The following CFHR5 variants were observed in gnomAD, a reference collection of about 807,000 sequenced individuals.
The protein encoded by CFHR5 is complement factor H-related protein 5.
Under a neutral mutation model 62.9 loss-of-function variants are expected in CFHR5, and 73 were observed. That is an observed-to-expected ratio of 1.16 (90% CI 0.96 to 1.41). CFHR5 has a LOEUF of 1.41. Among genes scored for constraint, CFHR5 ranks in the 40% most tolerant of loss-of-function variants. CFHR5 has a pLI of 0.00. For missense variants in CFHR5, 779 were observed against 679.9 expected (o/e 1.15, Z -1.62); for synonymous variants, 249 against 227.2 (o/e 1.10, Z -0.86).
At position 196,977,648 on chromosome 1, in the gene CFHR5, G is replaced by A. The variant is rs370203146; in HGVS notation, c.-17G>A. Reference sequence around the variant, plus strand: ...CACTGGAGTATTTTTAGTTATATACGATTGAGACTACCAAGCATGTTGCTC... The same window carrying A: ...CACTGGAGTATTTTTAGTTATATACAATTGAGACTACCAAGCATGTTGCTC... On this transcript the variant is annotated 5_prime_UTR_variant, in exon 1 of 10. Coordinates refer to ENST00000256785, the MANE Select transcript of CFHR5 (RefSeq NM_030787.4). 66 of 1,602,744 alleles carry A rather than the reference G, an allele frequency of 4.1e-5. No individual in the cohort carries two copies. Among genetic ancestry groups the A allele is most frequent in the Non-Finnish European group, 4.8e-5 (56 of 1,170,110 alleles).
At chr1:196,975,885 C>T (rs146602083), upstream of CFHR5, among the ~76,000 whole-genome samples, 42 of 152,010 alleles carry the variant, frequency 2.8e-4, no homozygotes, top group African/African-American at 9.7e-4. Context: ...TAGAAAGGAA[C>T]GAATGGGCAG....
intron 2 of CFHR5, among the ~76,000 whole-genome samples, chr1:196,983,286 C>T (rs1653591132): frequency 6.6e-6 from 1 of 152,070 alleles, no homozygotes; most frequent in African/African-American, 2.4e-5. Flanking sequence ...CCTGGAAATG[C>T]CCTACATGTT....
At chr1:197,003,813 A>G (rs933012390) in intron 8 of CFHR5, among the ~76,000 whole-genome samples, 1 of 152,176 alleles carries the variant, frequency 6.6e-6, no homozygotes, top group Non-Finnish European at 1.5e-5. Flanking sequence ...ATTTTACCTT[A>G]TTGAATTGTG....
intron 3 of CFHR5, among the ~76,000 whole-genome samples, chr1:196,985,809 A>G (rs1284818875): frequency 2.0e-5 from 3 of 152,166 alleles, no homozygotes; most frequent in Non-Finnish European, 4.4e-5. Flanking sequence ...CCCAGGCTTA[A>G]CTCATGTTTC....
Position 196,984,135 on chromosome 1 carries a change from C to T in CFHR5, c.428C>T (p.Thr143Ile). The stretch of plus-strand genomic sequence containing the variant: ...TCCACTCCTCCCATATGCAGCTTCA[C>T]TAGTAAGCAAAATACCACTCTCTCA... ...GWSTPPICSF[T>I]KGECHVPILE... Residue 143 changes from threonine (T) to isoleucine (I), a missense_variant and splice_region_variant, in exon 3 of 10, where the codon ACT becomes ATT. Physicochemically the swap from Thr to Ile is moderately conservative, Grantham distance 89. Coordinates refer to ENST00000256785, the MANE Select transcript of CFHR5 (RefSeq NM_030787.4). 3.7e-6 allele frequency: 6 copies of T among 1,612,442 alleles called. No individual in the cohort carries two copies. The highest frequency in any genetic ancestry group is 5.1e-6 in the Non-Finnish European group (6 of 1,178,740).
At chr1:196,994,369 C>A in intron 4 of CFHR5, 113 bp downstream of exon 4, 1 of 891,108 alleles carries the variant, frequency 1.1e-6, no homozygotes, top group Non-Finnish European at 1.8e-6. Flanking sequence ...GGTAAAATGG[C>A]AAAGGAGAAA....
intron 9 of CFHR5, among the ~76,000 whole-genome samples, chr1:197,006,140 TC>T (rs1382111671): frequency 6.6e-6 from 1 of 152,118 alleles, no homozygotes; most frequent in Non-Finnish European, 1.5e-5. Context: ...TGGCCAGTGA[TC>T]ATAAAATAAA....
rs1653618882 is a variant in CFHR5, at chr1:196,984,109, G to A, written c.402G>A (p.Trp134Ter). Residue 134 changes from tryptophan (W) to a stop codon, truncating the protein, a stop_gained, in exon 3 of 10, where the codon TGG becomes TGA. Transcript: ENST00000256785. LOFTEE classifies it high-confidence loss of function. Reference protein sequence around the residue: ...EKNISCVERGWSTPPICSFTK... With the variant: ...EKNISCVERG ...ACATTTCGTGTGTAGAACGGGGCTG[G>A]TCCACTCCTCCCATATGCAGCTTCA... 8 of 1,612,116 alleles carry A rather than the reference G, an allele frequency of 5.0e-6. No homozygotes were observed. Among genetic ancestry groups the A allele is most frequent in the Non-Finnish European group, 6.8e-6 (8 of 1,179,160 alleles).
intron 1 of CFHR5, 80 bp downstream of exon 1, chr1:196,977,802 T>G (rs1653434974): frequency 2.0e-6 from 2 of 999,132 alleles, no homozygotes; most frequent in Middle Eastern, 2.1e-4. Flanking sequence ...CATACAAATA[T>G]TTTTAAATGA....
At position 196,996,093 on chromosome 1, in the gene CFHR5, C is replaced by T. The variant is rs1445177657; in HGVS notation, c.862C>T (p.Gln288Ter). ...GYVQPSVPPYQHGVSVEVNCR... is the reference protein window; with the variant it reads ...GYVQPSVPPY ...TGTTCAGCCGTCTGTCCCTCCCTATCAACATGGAGTTTCAGTCGAGGTGAA... is the reference window on the plus strand; with the variant it reads ...TGTTCAGCCGTCTGTCCCTCCCTATTAACATGGAGTTTCAGTCGAGGTGAA... Residue 288 changes from glutamine to a stop codon, truncating the protein, a stop_gained, in exon 6 of 10, where the codon CAA becomes TAA. Coordinates refer to ENST00000256785, the MANE Select transcript of CFHR5 (RefSeq NM_030787.4). LOFTEE classifies it high-confidence loss of function. 2.5e-6 allele frequency: 4 copies of T among 1,613,484 alleles called. No homozygotes were observed. Among genetic ancestry groups the T allele is most frequent in the Non-Finnish European group, 8.5e-7 (1 of 1,179,488 alleles).
chr1:196,986,702 C>T (rs1397928202), intron 3 of CFHR5, among the ~76,000 whole-genome samples: 2 of 152,150 alleles, frequency 1.3e-5, no homozygotes, highest in African/African-American at 4.8e-5. Flanking sequence ...AAGAACTCAT[C>T]CTTTTTTATG....
chr1:197,004,399 G>C (rs1180533195), intron 8 of CFHR5, among the ~76,000 whole-genome samples: 1 of 151,996 alleles, frequency 6.6e-6, no homozygotes, highest in Non-Finnish European at 1.5e-5. Flanking sequence ...AATATTAAGG[G>C]GTGGAGGAGG....
chr1:196,996,865 G>A (rs1173263106), intron 6 of CFHR5, among the ~76,000 whole-genome samples: 1 of 151,722 alleles, frequency 6.6e-6, no homozygotes, highest in Non-Finnish European at 1.5e-5. Context: ...TAAGTAGTAA[G>A]TAGTAAGTAA....
intron 3 of CFHR5, among the ~76,000 whole-genome samples, chr1:196,991,006 C>G (rs1237804833): frequency 6.6e-6 from 1 of 151,988 alleles, no homozygotes; most frequent in African/African-American, 2.4e-5. Context: ...GTACAGCAAT[C>G]AAACGTAGAT....
chr1:196,983,874 C>A, intron 2 of CFHR5, 87 bp from the exon 3 acceptor site: 1 of 910,936 alleles, frequency 1.1e-6, no homozygotes, highest in South Asian at 1.5e-5. Flanking sequence ...TGTCAGTTTT[C>A]AAAGTTTTCC....
At chr1:196,982,472 C>T (rs1653567676) in intron 1 of CFHR5, among the ~76,000 whole-genome samples, 3 of 152,058 alleles carry the variant, frequency 2.0e-5, no homozygotes, top group African/African-American at 7.2e-5. Context: ...AGGAGTTTGA[C>T]ACCAGTCTGG....
chr1:197,006,661 G>A (rs563677506), intron 9 of CFHR5, among the ~76,000 whole-genome samples: 9 of 150,492 alleles, frequency 6.0e-5, no homozygotes, highest in South Asian at 2.1e-4. Context: ...GCAGTGAGCC[G>A]AGATTGCACC....
At chr1:196,999,722 T>TATATATATATATATACACAC (rs1164729053) in intron 7 of CFHR5, among the ~76,000 whole-genome samples, 1 of 116,194 alleles carries the variant, frequency 8.6e-6, no homozygotes, top group African/African-American at 3.5e-5. Context: ...TATATATATA[T>TATATATATATATATACACAC]ACACACACAC....
At position 196,977,696 on chromosome 1, in the gene CFHR5, C is replaced by G. The variant is rs776188297; in HGVS notation, c.32C>G (p.Ser11Ter). MLLLFSVILI[S>*]WVSTVGGEGT... The stretch of plus-strand genomic sequence containing the variant: ...CTCTTATTCAGTGTAATCCTAATCT[C>G]ATGGGTATCCACTGTTGGGGGAGAA... The change falls in exon 1 of 10, where the codon TCA (serine) becomes TGA (stop). Residue 11 changes from serine to a stop codon, truncating the protein, a stop_gained. Transcript: ENST00000256785. LOFTEE classifies it high-confidence loss of function. The G allele has an allele frequency of 1.2e-6, 2 of 1,613,056 alleles. No homozygotes were observed. Among genetic ancestry groups the G allele is most frequent in the Non-Finnish European group, 1.7e-6 (2 of 1,179,180 alleles).
Sources: gnomAD v4.1 joint callset for allele counts (sites outside exome capture counted in the v4.1 genomes callset) on GRCh38, gnomAD v4.1.1 for gene constraint, MANE v1.5 for transcripts, NCBI Gene and HGNC (gene_info 2026-07-23, HGNC 2026-07-21) for gene names.